The following MEIS2 variants were observed in gnomAD, a reference collection of about 807,000 sequenced individuals.
MEIS2 encodes Meis homeobox 2, also known as homeobox protein Meis2.
Under a neutral mutation model 58.6 loss-of-function variants are expected in MEIS2, and 9 were observed. The observed-to-expected ratio is 0.15, with a 90% CI of 0.09 to 0.27. The LOEUF (loss-of-function observed/expected upper bound fraction) is 0.27. MEIS2 is among the 10% of genes least tolerant of loss of function. The pLI, the probability that MEIS2 is intolerant of heterozygous loss-of-function variation, is 1.00. For synonymous variants in MEIS2, 221 were observed against 228.4 expected, an observed-to-expected ratio of 0.97 and a Z score of 0.29; for missense variants, 427 against 635.0, an observed-to-expected ratio of 0.67 and a Z score of 3.52.
chr15:36,905,557 G>A (rs753102398), intron 9 of MEIS2, among the ~76,000 whole-genome samples: 8 of 152,134 alleles, frequency 5.3e-5, no homozygotes, highest in Non-Finnish European at 8.8e-5. Flanking sequence ...TTTGGCATGG[G>A]AAGAGGGCGG....
At chr15:36,892,533 A>AAT in intron 11 of MEIS2, 74 bp from the exon 12 acceptor site, 99 of 1,215,848 alleles carry the variant, frequency 8.1e-5, no homozygotes, top group Non-Finnish European at 8.8e-5. Flanking sequence ...CAAAGATGAA[A>AAT]AGAAAAAAAA....
At chr15:36,995,996 T>C (rs796289837) in intron 8 of MEIS2, among the ~76,000 whole-genome samples, 15 of 21,454 alleles carry the variant, frequency 7.0e-4, no homozygotes, top group South Asian at 3.0e-3. Flanking sequence ...TATATATATA[T>C]ATATATGTAT....
intron 2 of MEIS2, 58 bp downstream of exon 2, chr15:37,097,909 G>T: frequency 6.6e-7 from 1 of 1,513,732 alleles, no homozygotes; most frequent in South Asian, 1.3e-5. Context: ...CCCCCACAGA[G>T]ACAAACACAC....
chr15:37,003,361 C>CAAA (rs1010577231), intron 8 of MEIS2, among the ~76,000 whole-genome samples: 3 of 151,844 alleles, frequency 2.0e-5, no homozygotes, highest in South Asian at 2.1e-4. Flanking sequence ...ACAACAACAA[C>CAAA]AAAAACACCA....
Position 36,890,345 on chromosome 15 carries a change from T to A in MEIS2, c.*1828A>T, listed in dbSNP as rs2141207893. ...GGTATAGATTTCCAGGAATGTTGCATAAAATTTTGAAAATGGCATTATACC... is the reference window on the plus strand; with the variant it reads ...GGTATAGATTTCCAGGAATGTTGCAAAAAATTTTGAAAATGGCATTATACC... On this transcript the variant is annotated 3_prime_UTR_variant, in exon 12 of 12. Coordinates refer to ENST00000561208, the MANE Select transcript of MEIS2 (RefSeq NM_170675.5). The A allele has an allele frequency of 6.6e-6, 1 of 152,304 alleles. No homozygotes were observed. Among genetic ancestry groups the A allele is most frequent in the South Asian group, 2.1e-4 (1 of 4,830 alleles). 9.4% of individuals were successfully genotyped at this position (152,304 alleles called of 1,614,324 possible). A position where few individuals can be genotyped will look rare whatever the true frequency, so the allele number is the denominator to read the frequency against.
At chr15:36,937,951 C>G (rs897817096) in intron 9 of MEIS2, among the ~76,000 whole-genome samples, 1 of 152,116 alleles carries the variant, frequency 6.6e-6, no homozygotes, top group African/African-American at 2.4e-5. Flanking sequence ...GCCTACTATT[C>G]CATTTTTATG....
At chr15:36,948,920 AT>A (rs2058665525) in intron 9 of MEIS2, among the ~76,000 whole-genome samples, 1 of 151,944 alleles carries the variant, frequency 6.6e-6, no homozygotes, top group Non-Finnish European at 1.5e-5. Flanking sequence ...TTAGAAGAAA[AT>A]TAAAGTGAAT....
intron 7 of MEIS2, among the ~76,000 whole-genome samples, chr15:37,067,088 CTT>C (rs542247552): frequency 4.4e-4 from 57 of 129,508 alleles, no homozygotes; most frequent in Middle Eastern, 4.2e-3. Flanking sequence ...GCAACTAACT[CTT>C]TTTTTTTTTT....
intron 9 of MEIS2, among the ~76,000 whole-genome samples, chr15:36,899,574 T>C (rs1321132421): frequency 6.6e-6 from 1 of 152,208 alleles, no homozygotes; most frequent in East Asian, 1.9e-4. Flanking sequence ...CTATATTTTT[T>C]AGAATGACCT....
chr15:36,891,919 A>G lies in MEIS2; in HGVS notation c.*254T>C. ...CAAGTTTAACTTAGTTCCTATATTTATACTACAGTAGTTATAACTCTCGGA... is the reference window on the plus strand; with the variant it reads ...CAAGTTTAACTTAGTTCCTATATTTGTACTACAGTAGTTATAACTCTCGGA... On this transcript the variant is annotated 3_prime_UTR_variant, in exon 12 of 12. Coordinates refer to ENST00000561208, the MANE Select transcript of MEIS2 (RefSeq NM_170675.5). The G allele has an allele frequency of 5.7e-6, 3 of 525,958 alleles. No individual in the cohort carries two copies. The highest frequency in any genetic ancestry group is 2.0e-5 in the African/African-American group (1 of 50,984). 32.6% of individuals were successfully genotyped at this position (525,958 alleles called of 1,614,324 possible).
chr15:36,959,910 G>A (rs1249336514), intron 8 of MEIS2, among the ~76,000 whole-genome samples: 2 of 152,024 alleles, frequency 1.3e-5, no homozygotes, highest in African/African-American at 2.4e-5. Flanking sequence ...CTAATCTTAT[G>A]ACAACAATCC....
chr15:36,902,618 C>T (rs2056535959), intron 9 of MEIS2, among the ~76,000 whole-genome samples: 1 of 152,192 alleles, frequency 6.6e-6, no homozygotes, highest in African/African-American at 2.4e-5. Context: ...GATTTATGTA[C>T]ATTTAAGTAT....
intron 8 of MEIS2, among the ~76,000 whole-genome samples, chr15:37,016,629 A>G (rs1398754327): frequency 6.6e-6 from 1 of 152,220 alleles, no homozygotes; most frequent in African/African-American, 2.4e-5. Context: ...TTTGACAGAA[A>G]GAAAAAAGAA....
intron 7 of MEIS2, among the ~76,000 whole-genome samples, chr15:37,080,900 T>C (rs533405479): frequency 2.4e-4 from 37 of 152,332 alleles, no homozygotes; most frequent in South Asian, 1.0e-3. Context: ...AAATGTGATA[T>C]ACATTTTTTC....
At chr15:37,035,644 C>A (rs1293717366) in intron 8 of MEIS2, among the ~76,000 whole-genome samples, 6 of 152,200 alleles carry the variant, frequency 3.9e-5, no homozygotes, top group Non-Finnish European at 8.8e-5. Flanking sequence ...CCAGCTAATC[C>A]TGACACCACA....
chr15:37,035,852 A>C (rs773066594), intron 8 of MEIS2, among the ~76,000 whole-genome samples: 79 of 152,324 alleles, frequency 5.2e-4, no homozygotes, highest in Non-Finnish European at 9.6e-4. Context: ...ACTGTAACTA[A>C]TGTCATTCAG....
chr15:36,895,339 G>C, intron 10 of MEIS2, 78 bp from the exon 11 acceptor site: 1 of 1,251,536 alleles, frequency 8.0e-7, no homozygotes, highest in Non-Finnish European at 1.1e-6. Flanking sequence ...TCCCGCTGCA[G>C]CACTGAAACG....
At chr15:36,941,593 C>T (rs552731422) in intron 9 of MEIS2, among the ~76,000 whole-genome samples, 2 of 152,222 alleles carry the variant, frequency 1.3e-5, no homozygotes, top group East Asian at 3.9e-4. Flanking sequence ...TTTAAGTGAA[C>T]TAATATCCAA....
chr15:36,984,475 T>C (rs2060032136), intron 8 of MEIS2, among the ~76,000 whole-genome samples: 2 of 152,172 alleles, frequency 1.3e-5, no homozygotes, highest in African/African-American at 4.8e-5. Flanking sequence ...TTCAATGTGC[T>C]GTTCAATTTA....
Sources: allele counts gnomAD v4.1 joint callset (sites outside exome capture counted in the v4.1 genomes callset), GRCh38; gene constraint gnomAD v4.1.1; transcripts MANE v1.5; gene names NCBI Gene and HGNC (gene_info 2026-07-23, HGNC 2026-07-21).